Variants in CELF2 observed in about 807,000 individuals in gnomAD.
CELF2 encodes CUGBP Elav-like family member 2, also known as CUG triplet repeat RNA-binding protein 2.
Under a neutral mutation model 62.6 loss-of-function variants are expected in CELF2, and 8 were observed. The observed-to-expected ratio is 0.13, with a 90% CI of 0.07 to 0.23. The LOEUF (loss-of-function observed/expected upper bound fraction) is 0.23, where lower values mean the gene tolerates loss of function less well. Ranked by LOEUF, CELF2 falls within the 10% of genes least tolerant of loss-of-function variation. CELF2 has a pLI of 1.00. For synonymous variants in CELF2, 258 were observed against 250.0 expected (o/e 1.03, Z -0.30); for missense variants, 333 against 671.0 (o/e 0.50, Z 5.56).
At chr10:10,654,964 A>C in the CELF2 span, among the ~76,000 whole-genome samples, 1 of 144,036 alleles carries the variant, frequency 6.9e-6, no homozygotes, top group South Asian at 2.6e-4. Flanking sequence ...GTATATCTAG[A>C]AAACCCCATT....
intron 1 of CELF2, among the ~76,000 whole-genome samples, chr10:10,914,457 A>G (rs1162574788): frequency 2.6e-5 from 4 of 152,246 alleles, no homozygotes; most frequent in Non-Finnish European, 1.5e-5. Flanking sequence ...TGCTCTACAT[A>G]TTTAAAATTA....
chr10:10,776,489 T>C, the CELF2 span: 2,640 of 154,150 alleles, frequency 0.017, 67 homozygotes, highest in African/African-American at 0.054. Flanking sequence ...ATGGAAAAAT[T>C]CATTCATCCC....
chr10:11,076,225 ACTC>A (rs2071882511), intron 1 of CELF2, among the ~76,000 whole-genome samples: 1 of 151,902 alleles, frequency 6.6e-6, no homozygotes, highest in African/African-American at 2.4e-5. Context: ...GGCCAACTTT[ACTC>A]CTCCTCGAGA....
chr10:10,891,024 AAAC>A (rs3028996), intron 1 of CELF2, among the ~76,000 whole-genome samples: 23 of 151,286 alleles, frequency 1.5e-4, no homozygotes, highest in African/African-American at 4.6e-4. Context: ...TCAAAAAAAC[AAAC>A]AACAACAACA....
chr10:11,297,602 G>A lies in CELF2; in HGVS notation c.976+9050G>A, dbSNP rs1452458799. Among the ~76,000 whole-genome samples the A allele has an allele frequency of 2.0e-5, 3 of 152,142 alleles. No homozygotes were observed. The highest frequency in any genetic ancestry group is 7.2e-5 in the African/African-American group (3 of 41,426). On this transcript the variant is annotated intron_variant, in intron 9 of 12. Coordinates refer to ENST00000633077, the MANE Select transcript of CELF2 (RefSeq NM_001326342.2). The surrounding 1 kb of genome is among the most constrained non-coding windows in gnomAD (Gnocchi z 4.4). ...CCCAGACTGGCTGCTTCACTGCAGT[G>A]GTTGACAGTTTTGCAGGCAGTGAGA...
chr10:10,725,323 G>T, the CELF2 span, among the ~76,000 whole-genome samples: 3 of 152,140 alleles, frequency 2.0e-5, no homozygotes, highest in African/African-American at 7.2e-5. Context: ...AGTTTGACAG[G>T]GTGATAAACA....
the CELF2 span, among the ~76,000 whole-genome samples, chr10:10,477,142 C>A: frequency 1.3e-5 from 2 of 152,168 alleles, no homozygotes; most frequent in Non-Finnish European, 2.9e-5. Context: ...TCAAAATGGA[C>A]AAATATATCA....
At chr10:10,507,476 A>T in the CELF2 span, among the ~76,000 whole-genome samples, 2 of 152,172 alleles carry the variant, frequency 1.3e-5, no homozygotes, top group Non-Finnish European at 2.9e-5. Flanking sequence ...AAATGCAAAA[A>T]ATCTACAAAA....
intron 1 of CELF2, among the ~76,000 whole-genome samples, chr10:11,127,002 T>C (rs1422918308): frequency 6.6e-6 from 1 of 152,048 alleles, no homozygotes; most frequent in African/African-American, 2.4e-5. Context: ...ACCCATACAC[T>C]CATCATCTAT....
the CELF2 span, among the ~76,000 whole-genome samples, chr10:10,648,430 A>T: frequency 6.6e-6 from 1 of 152,214 alleles, no homozygotes; most frequent in South Asian, 2.1e-4. Flanking sequence ...AGCGTCTGGT[A>T]TCAAAAATGC....
rs187692585 is a variant in CELF2 at position 11,269,941 on chromosome 10, G to A, written c.619-725G>A. On this transcript the variant is annotated intron_variant, in intron 6 of 12. Coordinates refer to ENST00000633077, the MANE Select transcript of CELF2 (RefSeq NM_001326342.2). This position sits in a 1 kb window ranked among gnomAD's most constrained non-coding sequence, Gnocchi z 4.4. Reference sequence around the variant, plus strand: ...GTGGACTCCTCCGTCTGCTGTTCACGGTCTATCTTCTTTGGCTAGAATGTG... The same window carrying A: ...GTGGACTCCTCCGTCTGCTGTTCACAGTCTATCTTCTTTGGCTAGAATGTG... 3.5e-4 allele frequency among the ~76,000 whole-genome samples: 54 copies of A among 152,278 alleles called. No individual in the cohort carries two copies. Among genetic ancestry groups the A allele is most frequent in the Non-Finnish European group, 6.3e-4 (43 of 68,028 alleles).
intron 2 of CELF2, among the ~76,000 whole-genome samples, chr10:11,171,545 C>T (rs1214525314): frequency 6.6e-6 from 1 of 152,188 alleles, no homozygotes; most frequent in Non-Finnish European, 1.5e-5. Flanking sequence ...GAAACAGGAA[C>T]AGAAGCATAA....
intron 2 of CELF2, among the ~76,000 whole-genome samples, chr10:11,188,116 A>T (rs1588624941): frequency 6.6e-6 from 1 of 152,116 alleles, no homozygotes; most frequent in Middle Eastern, 3.4e-3. Context: ...AGATATATAT[A>T]TTTTTTGAGA....
rs11415164 is a variant in CELF2 at position 10,924,281 on chromosome 10, C to CAAAAAAA, written c.89+4305_89+4311dup. Among the ~76,000 whole-genome samples the CAAAAAAA allele has an allele frequency of 1.9e-3, 86 of 45,072 alleles. 9 individuals are homozygous for CAAAAAAA. Among genetic ancestry groups the CAAAAAAA allele is most frequent in the African/African-American group, 5.8e-3 (67 of 11,624 alleles). 29.6% of individuals were successfully genotyped at this position (45,072 alleles called of 152,430 possible). ...TGGGCAACACAGCGAGACTCCGTCC[C>CAAAAAAA]AAAAAAAAAAAAAAAAAAAAAAAAA... On this transcript the variant is annotated intron_variant, in intron 2 of 13. Transcript: ENST00000636488.
At chr10:10,741,706 G>T in the CELF2 span, among the ~76,000 whole-genome samples, 1 of 152,012 alleles carries the variant, frequency 6.6e-6, no homozygotes, top group Non-Finnish European at 1.5e-5. Context: ...TATTAGTGAG[G>T]TTAACTTTGG....
At chr10:10,736,065 G>C in the CELF2 span, among the ~76,000 whole-genome samples, 2 of 152,120 alleles carry the variant, frequency 1.3e-5, no homozygotes, top group Admixed American at 6.5e-5. Flanking sequence ...AATTGGACTA[G>C]ATTTTATTGA....
At chr10:11,147,112 C>T (rs914947019) in intron 1 of CELF2, among the ~76,000 whole-genome samples, 1 of 152,208 alleles carries the variant, frequency 6.6e-6, no homozygotes, top group African/African-American at 2.4e-5. Context: ...CACCCACCCA[C>T]TCCCTTGTGC....
chr10:10,667,324 C>T, the CELF2 span, among the ~76,000 whole-genome samples: 8 of 152,186 alleles, frequency 5.3e-5, no homozygotes, highest in South Asian at 8.3e-4. Flanking sequence ...AAAACGACCA[C>T]GCGTTTGTTT....
chr10:11,267,905 T>G lies in CELF2; in HGVS notation c.618+1228T>G, dbSNP rs1379732754. ...CAAAGCCTATTGTCTTTTTCGAACA[T>G]TGATCTTGACTTTGATATTCCTAAC... On this transcript the variant is annotated intron_variant, in intron 6 of 12. Transcript: ENST00000633077. This position sits in a 1 kb window ranked among gnomAD's most constrained non-coding sequence, Gnocchi z 4.4. Among the ~76,000 whole-genome samples, 1 of 152,222 alleles carries G rather than the reference T, an allele frequency of 6.6e-6. No individual in the cohort carries two copies. Among genetic ancestry groups the G allele is most frequent in the Non-Finnish European group, 1.5e-5 (1 of 68,038 alleles).
Sources: gnomAD v4.1 joint callset for allele counts (sites outside exome capture counted in the v4.1 genomes callset) on GRCh38, gnomAD v4.1.1 for gene constraint, Gnocchi (gnomAD v3.1) non-coding constraint, MANE v1.5 for transcripts, NCBI Gene and HGNC (gene_info 2026-07-23, HGNC 2026-07-21) for gene names.